Variants in PAK4 observed in about 807,000 individuals in gnomAD.
PAK4 encodes the protein p21 (RAC1) activated kinase 4, also known as serine/threonine-protein kinase PAK 4.
Under a neutral mutation model 53.5 loss-of-function variants are expected in PAK4, and 49 were observed. The observed-to-expected ratio is 0.92, with a 90% confidence interval of 0.73 to 1.16. The LOEUF (loss-of-function observed/expected upper bound fraction) is 1.16. Ranked by LOEUF, PAK4 falls within the 50% of genes most tolerant of loss-of-function variation. The pLI is 0.00. For synonymous variants in PAK4, 376 were observed against 375.6 expected (o/e 1.00, Z -0.01); for missense variants, 824 against 850.7 (o/e 0.97, Z 0.39).
At chr19:39,129,399 G>A (rs12462251) in intron 1 of PAK4, among the ~76,000 whole-genome samples, 7,919 of 152,202 alleles carry the variant, frequency 0.052, 335 homozygotes, top group Admixed American at 0.12. Context: ...TCTGGAACGC[G>A]TGTTCCTGTA....
intron 1 of PAK4, among the ~76,000 whole-genome samples, chr19:39,140,896 G>T (rs937354450): frequency 1.3e-5 from 2 of 152,186 alleles, no homozygotes; most frequent in Admixed American, 6.5e-5. Flanking sequence ...TGAGTCTGCT[G>T]TGTGATGCTC....
chr19:39,126,007 C>CG (rs1380360199), intron 1 of PAK4, 88 bp downstream of exon 1: 1 of 152,634 alleles, frequency 6.6e-6, no homozygotes. Context: ...GCGGGGCCGC[C>CG]GGGGTCAAAG....
chr19:39,157,976 C>G (rs1202392761), intron 1 of PAK4, among the ~76,000 whole-genome samples: 1 of 152,170 alleles, frequency 6.6e-6, no homozygotes, highest in Non-Finnish European at 1.5e-5. Flanking sequence ...CTGGCATGTC[C>G]TCACATGCAT....
At chr19:39,174,543 C>T (rs937299710) in intron 4 of PAK4, among the ~76,000 whole-genome samples, 37 of 152,052 alleles carry the variant, frequency 2.4e-4, no homozygotes, top group African/African-American at 8.0e-4. Flanking sequence ...GACCCCGTTG[C>T]CCATCACAGT....
At chr19:39,162,927 G>A (rs1036548707) in intron 1 of PAK4, among the ~76,000 whole-genome samples, 47 of 152,158 alleles carry the variant, frequency 3.1e-4, no homozygotes, top group African/African-American at 1.1e-3. Context: ...TTGGAGGAAC[G>A]AGGCTCAGTG....
chr19:39,163,545 A>G (rs2074319058), intron 1 of PAK4, among the ~76,000 whole-genome samples: 1 of 152,186 alleles, frequency 6.6e-6, no homozygotes, highest in Non-Finnish European at 1.5e-5. Context: ...AGAAAAGGTC[A>G]GAGGATGCAG....
At chr19:39,157,722 G>A (rs1206363525) in intron 1 of PAK4, among the ~76,000 whole-genome samples, 3 of 152,264 alleles carry the variant, frequency 2.0e-5, no homozygotes, top group African/African-American at 4.8e-5. Context: ...TGTACGGGCC[G>A]CCGCGAGGTG....
At chr19:39,144,181 G>A (rs888889964) in intron 1 of PAK4, among the ~76,000 whole-genome samples, 3 of 151,496 alleles carry the variant, frequency 2.0e-5, no homozygotes, top group African/African-American at 7.3e-5. Context: ...TAGATAGATA[G>A]ATAGATAGAT....
intron 1 of PAK4, among the ~76,000 whole-genome samples, chr19:39,150,386 A>T (rs561200236): frequency 6.6e-6 from 1 of 152,094 alleles, no homozygotes; most frequent in South Asian, 2.1e-4. Flanking sequence ...CGTCCTTGAC[A>T]CCACCTCATC....
At chr19:39,176,709 G>T (rs1442661965) in exon 7 of PAK4, 2 of 1,609,402 alleles carry the variant, frequency 1.2e-6, no homozygotes, top group Non-Finnish European at 8.5e-7. Flanking sequence ...TTCCCTACGG[G>T]CCAGAGGTGA....
Position 39,173,795 on chromosome 19 carries a change from G to T in PAK4, c.883G>T (p.Glu295Ter). 6.2e-7 allele frequency: 1 copy of T among 1,609,084 alleles called. No homozygotes were observed. Residue 295 changes from glutamate to a stop codon, truncating the protein, a stop_gained, in exon 4 of 9, where the codon GAG becomes TAG. Transcript: ENST00000358301. LOFTEE classifies it high-confidence loss of function. This position sits in a 1 kb window ranked among gnomAD's most constrained non-coding sequence, Gnocchi z 6.9. Reference sequence around the variant, plus strand: ...CCCTGGCCCCCGCTCACCACAGCGGGAGCCACAGCGAGTATCCCATGAGCA... The same window carrying T: ...CCCTGGCCCCCGCTCACCACAGCGGTAGCCACAGCGAGTATCCCATGAGCA...
rs2074660601 is a variant in PAK4 at position 39,178,659 on chromosome 19, C to T, written c.*80C>T. On this transcript the variant is annotated 3_prime_UTR_variant, in exon 9 of 9. Transcript: ENST00000358301. The surrounding 1 kb of genome is among the most constrained non-coding windows in gnomAD (Gnocchi z 4.4). ...TGAGGCCAGTAGGGGGCCAGGCCTC[C>T]CACTCCTCCCAGCCCGGGAGATGCT... 7.7e-7 allele frequency: 1 copy of T among 1,291,876 alleles called. No homozygotes were observed. The highest frequency in any genetic ancestry group is 1.4e-5 in the South Asian group (1 of 69,128). The allele number at this position is 1,291,876 out of a possible 1,614,324, so 80.0% of individuals were successfully genotyped here. A position where few individuals can be genotyped will look rare whatever the true frequency, so the allele number is the denominator to read the frequency against.
intron 1 of PAK4, among the ~76,000 whole-genome samples, chr19:39,144,541 TC>T (rs1309906893): frequency 6.6e-6 from 1 of 152,168 alleles, no homozygotes. Flanking sequence ...GACTTGTTGA[TC>T]TGGGTTTGTT....
At chr19:39,176,636 T>C in exon 7 of PAK4, 1 of 1,613,792 alleles carries the variant, frequency 6.2e-7, no homozygotes, top group Non-Finnish European at 8.5e-7. Context: ...AGCAAGGAAG[T>C]GCCCCGAAGG....
intron 1 of PAK4, among the ~76,000 whole-genome samples, chr19:39,154,836 C>T (rs1459502564): frequency 2.7e-5 from 4 of 146,622 alleles, no homozygotes; most frequent in Non-Finnish European, 4.5e-5. Context: ...GGCCTGAGAT[C>T]TGGGACTTCT....
chr19:39,128,801 G>A (rs2073642338), intron 1 of PAK4, among the ~76,000 whole-genome samples: 2 of 152,186 alleles, frequency 1.3e-5, no homozygotes, highest in Admixed American at 1.3e-4. Context: ...TACTTTGACT[G>A]CCCTTGAATG....
At chr19:39,177,261 A>G (rs1052613664) in intron 7 of PAK4, among the ~76,000 whole-genome samples, 21 of 152,116 alleles carry the variant, frequency 1.4e-4, no homozygotes, top group African/African-American at 4.8e-4. Flanking sequence ...TCTCCCACCT[A>G]TGGGCTCCTC....
At chr19:39,143,046 C>T (rs1416093032) in intron 1 of PAK4, among the ~76,000 whole-genome samples, 1 of 152,110 alleles carries the variant, frequency 6.6e-6, no homozygotes, top group Non-Finnish European at 1.5e-5. Flanking sequence ...TCACCTGTAT[C>T]CCGTCTTTGC....
chr19:39,159,471 C>T (rs1295059450), intron 1 of PAK4, among the ~76,000 whole-genome samples: 1 of 152,128 alleles, frequency 6.6e-6, no homozygotes, highest in South Asian at 2.1e-4. Flanking sequence ...CTGCAACCTC[C>T]GCCCCCTGGG....
Sources: gnomAD v4.1 joint callset for allele counts (sites outside exome capture counted in the v4.1 genomes callset) on GRCh38, gnomAD v4.1.1 for gene constraint, Gnocchi (gnomAD v3.1) non-coding constraint, MANE v1.5 for transcripts, NCBI Gene and HGNC (gene_info 2026-07-23, HGNC 2026-07-21) for gene names.